STK10: variants seen among roughly 807,000 people sequenced by gnomAD.
STK10 encodes serine/threonine kinase 10, also known as serine/threonine-protein kinase 10.
Under a neutral mutation model 113.8 loss-of-function variants are expected in STK10, and 78 were observed. The ratio of observed to expected loss-of-function variants is 0.69; its 90% CI spans 0.57 to 0.83. The LOEUF (loss-of-function observed/expected upper bound fraction) is 0.83. Among genes scored for constraint, STK10 ranks in the 40% least tolerant of loss-of-function variants. The pLI is 0.00. For missense variants in STK10, 1,109 were observed against 1,280.1 expected (o/e 0.87, Z 2.04); for synonymous variants, 465 against 494.7 (o/e 0.94, Z 0.80).
intron 4 of STK10, among the ~76,000 whole-genome samples, chr5:172,110,409 CAT>C (rs143792347): frequency 0.025 from 3,794 of 152,296 alleles, 153 homozygotes; most frequent in African/African-American, 0.086. Flanking sequence ...TGACATGCCA[CAT>C]GTTATTCCCG....
At chr5:172,146,212 C>T (rs1465880388) in intron 2 of STK10, among the ~76,000 whole-genome samples, 2 of 152,210 alleles carry the variant, frequency 1.3e-5, no homozygotes, top group Non-Finnish European at 2.9e-5. Context: ...GGCCCACAGC[C>T]GGTGCTCCCC....
At chr5:172,066,099 T>C (rs1029399935) in intron 12 of STK10, among the ~76,000 whole-genome samples, 1 of 152,142 alleles carries the variant, frequency 6.6e-6, no homozygotes, top group Non-Finnish European at 1.5e-5. Flanking sequence ...CTTAAGAGCA[T>C]CTGATGGGGG....
chr5:172,093,665 C>A lies in STK10; in HGVS notation c.1301G>T (p.Gly434Val), dbSNP rs753698666. 3 of 1,614,260 alleles carry A rather than the reference C, an allele frequency of 1.9e-6. No individual in the cohort carries two copies. The Admixed American group carries it at 5.0e-5, about 27-fold the overall frequency. Residue 434 changes from glycine to valine, a missense_variant, in exon 9 of 19, where the codon GGT becomes GTT. Gly to Val is a moderately radical substitution (Grantham distance 109, BLOSUM62 -3). This residue lies in a region of STK10 where 885 missense variants were observed against 991.1 expected (regional missense o/e 0.89). Transcript: ENST00000176763. The surrounding 1 kb of genome is among the most constrained non-coding windows in gnomAD (Gnocchi z 4.1). ...GTTGGCTGCTGGGCTGAGGTCCCCA[C>A]CCTGCTCAGCAACTTGCTTCTCCTG... ...VAQEKQVAEQ[G>V]GDLSPAANRS...
chr5:172,085,483 G>A (rs1333834042), intron 10 of STK10, among the ~76,000 whole-genome samples: 3 of 151,934 alleles, frequency 2.0e-5, no homozygotes, highest in African/African-American at 7.3e-5. Context: ...GAGGTCAGGA[G>A]TTCAAAACCA....
chr5:172,077,103 C>G (rs1768326393), intron 12 of STK10, among the ~76,000 whole-genome samples: 1 of 152,246 alleles, frequency 6.6e-6, no homozygotes, highest in Non-Finnish European at 1.5e-5. Flanking sequence ...CTGAGATCTA[C>G]TGACAGGCAG....
intron 3 of STK10, among the ~76,000 whole-genome samples, chr5:172,126,970 G>C (rs375175110): frequency 6.6e-6 from 1 of 152,006 alleles, no homozygotes; most frequent in South Asian, 2.1e-4. Flanking sequence ...AATGTCCTGC[G>C]TTCTCTTCAA....
chr5:172,091,378 G>A (rs1485508598), intron 9 of STK10, among the ~76,000 whole-genome samples: 3 of 152,174 alleles, frequency 2.0e-5, no homozygotes, highest in African/African-American at 7.2e-5. Flanking sequence ...CACGCCACAA[G>A]TGATTGTGCA....
intron 1 of STK10, among the ~76,000 whole-genome samples, chr5:172,174,003 G>A (rs1206141548): frequency 2.6e-5 from 4 of 152,162 alleles, no homozygotes; most frequent in African/African-American, 9.7e-5. Flanking sequence ...AAGCTAGGAG[G>A]AAGCTCAGAA....
intron 7 of STK10, among the ~76,000 whole-genome samples, chr5:172,103,222 C>T (rs1456798008): frequency 2.0e-5 from 3 of 152,214 alleles, no homozygotes; most frequent in South Asian, 2.1e-4. Context: ...GCTCTGATCC[C>T]GGTGTCCTCC....
chr5:172,149,230 C>T (rs1465485662), intron 2 of STK10, among the ~76,000 whole-genome samples: 1 of 152,194 alleles, frequency 6.6e-6, no homozygotes, highest in Non-Finnish European at 1.5e-5. Context: ...AACAGCCCAC[C>T]CGGCACAGGC....
chr5:172,064,364 T>G, intron 13 of STK10: 1 of 271,892 alleles, frequency 3.7e-6, no homozygotes, highest in Non-Finnish European at 7.2e-6. Context: ...TTGATGTCCT[T>G]CAGACTTAAA....
intron 8 of STK10, among the ~76,000 whole-genome samples, chr5:172,095,887 T>C (rs1768838034): frequency 6.6e-6 from 1 of 152,198 alleles, no homozygotes; most frequent in South Asian, 2.1e-4. Context: ...CCCACAGACA[T>C]GTTTTCCTTG....
rs1696885722 is a variant in STK10 at position 172,107,919 on chromosome 5, C to T, written c.521-67G>A. On this transcript the variant is annotated intron_variant, in intron 4 of 18. Coordinates refer to ENST00000176763, the MANE Select transcript of STK10 (RefSeq NM_005990.4). ...CTGGGGTAAAAGCCGGGGATGTGGA[C>T]TCAGGGGTACACATTCCAAGTCGAC... The T allele has an allele frequency of 2.2e-6, 3 of 1,386,314 alleles. No individual in the cohort carries two copies. The South Asian group carries it at 3.5e-5, about 16-fold the overall frequency. 85.9% of individuals were successfully genotyped at this position (1,386,314 alleles called of 1,614,324 possible).
At chr5:172,113,433 A>G (rs114434214) in intron 4 of STK10, among the ~76,000 whole-genome samples, 2,144 of 152,330 alleles carry the variant, frequency 0.014, 54 homozygotes, top group African/African-American at 0.048. Context: ...CAAGTATCCA[A>G]TTCAGGGCTT....
chr5:172,184,959 C>A (rs185151648), intron 1 of STK10, among the ~76,000 whole-genome samples: 112 of 152,262 alleles, frequency 7.4e-4, no homozygotes, highest in African/African-American at 2.6e-3. Flanking sequence ...CAGCACCTGG[C>A]CCTGGAGTCA....
At chr5:172,059,774 C>A (rs187871041) in intron 14 of STK10, among the ~76,000 whole-genome samples, 1 of 152,154 alleles carries the variant, frequency 6.6e-6, no homozygotes, top group South Asian at 2.1e-4. Context: ...ACCCCCTCAG[C>A]GTGTCAACTT....
chr5:172,183,358 C>T (rs1770896594), intron 1 of STK10, among the ~76,000 whole-genome samples: 2 of 152,326 alleles, frequency 1.3e-5, no homozygotes, highest in Middle Eastern at 3.4e-3. Flanking sequence ...CAGCTTTTCC[C>T]ACTCAATCTA....
At chr5:172,152,917 T>C (rs1252797346) in intron 2 of STK10, among the ~76,000 whole-genome samples, 1 of 152,240 alleles carries the variant, frequency 6.6e-6, no homozygotes, top group African/African-American at 2.4e-5. Context: ...TACACTGGGT[T>C]AAATAAATTA....
At chr5:172,144,656 C>T (rs1238284896) in intron 2 of STK10, among the ~76,000 whole-genome samples, 1 of 152,158 alleles carries the variant, frequency 6.6e-6, no homozygotes, top group Non-Finnish European at 1.5e-5. Flanking sequence ...CCTCACCCAC[C>T]ACATTCGAAG....
Sources: gnomAD v4.1 joint callset for allele counts (sites outside exome capture counted in the v4.1 genomes callset) on GRCh38, gnomAD v4.1.1 for gene constraint, gnomAD v4.1.1 regional missense constraint, Gnocchi (gnomAD v3.1) non-coding constraint, MANE v1.5 for transcripts, NCBI Gene and HGNC (gene_info 2026-07-23, HGNC 2026-07-21) for gene names.